Variants in VANGL2 observed in about 807,000 individuals in gnomAD.
VANGL2 encodes the protein VANGL planar cell polarity protein 2, also known as vang-like protein 2.
A neutral mutation model predicts 50.2 loss-of-function variants in VANGL2; 14 were observed. That is an observed-to-expected ratio of 0.28 (90% CI 0.18 to 0.44). VANGL2 has a LOEUF of 0.44. VANGL2 is among the 20% of genes least tolerant of loss of function. The pLI is 1.00. For synonymous variants in VANGL2, 295 were observed against 297.2 expected (o/e 0.99, Z 0.08); for missense variants, 533 against 701.5 (o/e 0.76, Z 2.71).
At chr1:160,416,303 G>T in intron 3 of VANGL2, 121 bp downstream of exon 3, 2 of 1,547,254 alleles carry the variant, frequency 1.3e-6, no homozygotes, top group Non-Finnish European at 1.8e-6. Flanking sequence ...TCAGATCGGG[G>T]AGTGTGTTTT....
rs770854072 is a variant in VANGL2, at chr1:160,415,750, G to A, written c.-88G>A. 14 of 1,480,946 alleles carry A rather than the reference G, an allele frequency of 9.5e-6. No homozygotes were observed. The highest frequency in any genetic ancestry group is 1.3e-5 in the Non-Finnish European group (14 of 1,080,416). The allele number at this position is 1,480,946 out of a possible 1,614,324, so 91.7% of individuals were successfully genotyped here. A position where few individuals can be genotyped will look rare whatever the true frequency, so the allele number is the denominator to read the frequency against. On this transcript the variant is annotated 5_prime_UTR_variant, in exon 2 of 8. Transcript: ENST00000368061. ...TGAAGGTGCCTCTTGGCCTAAAGAA[G>A]CCGGTGCTGAAGGAGGTGGCTGTGG...
At chr1:160,411,941 T>C (rs1464596049) in intron 1 of VANGL2, among the ~76,000 whole-genome samples, 1 of 152,284 alleles carries the variant, frequency 6.6e-6, no homozygotes, top group East Asian at 1.9e-4. Flanking sequence ...ACCACCTCTT[T>C]CCCTAGTCTC....
At chr1:160,414,278 A>G (rs934725694) in intron 1 of VANGL2, among the ~76,000 whole-genome samples, 2 of 152,124 alleles carry the variant, frequency 1.3e-5, no homozygotes, top group Admixed American at 6.5e-5. Flanking sequence ...CTGCAGTGCC[A>G]CCTTCTACCA....
At chr1:160,404,704 T>C (rs900436006) in intron 1 of VANGL2, among the ~76,000 whole-genome samples, 8 of 152,230 alleles carry the variant, frequency 5.3e-5, no homozygotes, top group African/African-American at 1.9e-4. Context: ...ACATAATGTT[T>C]TCCAGGTTAA....
chr1:160,428,187 T>G lies in VANGL2; in HGVS notation c.*2809T>G, dbSNP rs1651538676. The G allele has an allele frequency of 6.5e-6, 1 of 152,708 alleles. No individual in the cohort carries two copies. The highest frequency in any genetic ancestry group is 1.5e-5 in the Non-Finnish European group (1 of 68,088). 9.5% of individuals were successfully genotyped at this position (152,708 alleles called of 1,614,324 possible). On this transcript the variant is annotated 3_prime_UTR_variant, in exon 8 of 8. Coordinates refer to ENST00000368061, the MANE Select transcript of VANGL2 (RefSeq NM_020335.3). ...GATGAGACATCGGACTCTCCGGAAC[T>G]TTCTCATCTGACACGTCTTTTTCCC...
chr1:160,404,811 G>A (rs890109680), intron 1 of VANGL2, among the ~76,000 whole-genome samples: 4 of 152,194 alleles, frequency 2.6e-5, no homozygotes, highest in Non-Finnish European at 5.9e-5. Context: ...GTTAAAGGAT[G>A]AGTTAGGCCA....
In VANGL2 at chr1:160,425,627, A is replaced by C; in HGVS notation, c.*249A>C. 2.0e-6 allele frequency: 1 copy of C among 496,758 alleles called. No individual in the cohort carries two copies. The highest frequency in any genetic ancestry group is 3.6e-6 in the Non-Finnish European group (1 of 279,618). The allele number at this position is 496,758 out of a possible 1,614,324, so 30.8% of individuals were successfully genotyped here. A position where few individuals can be genotyped will look rare whatever the true frequency, so the allele number is the denominator to read the frequency against. On this transcript the variant is annotated 3_prime_UTR_variant, in exon 8 of 8. Transcript: ENST00000368061. ...CCACCTCACCAACAACTTTTGTATT[A>C]CTCTAGGCCCTGCAGGAATCAGTGC...
intron 6 of VANGL2, among the ~76,000 whole-genome samples, chr1:160,421,651 G>T (rs574249127): frequency 1.3e-5 from 2 of 152,290 alleles, no homozygotes; most frequent in African/African-American, 4.8e-5. Context: ...GGCCCTAAAG[G>T]ACAGTCTTCT....
chr1:160,405,317 C>T (rs559680043), intron 1 of VANGL2, among the ~76,000 whole-genome samples: 3 of 152,264 alleles, frequency 2.0e-5, no homozygotes, highest in Non-Finnish European at 2.9e-5. Flanking sequence ...GGCGGCCCTC[C>T]CCTTCTTTAT....
Position 160,426,872 on chromosome 1 carries a change from G to A in VANGL2, c.*1494G>A, listed in dbSNP as rs1185707923. ...GGCCCTTCTTTTCCCTGAAAGACTG[G>A]TTGGTACTTACCTTGCAGAGCACAT... On this transcript the variant is annotated 3_prime_UTR_variant, in exon 8 of 8. Transcript: ENST00000368061. 6.6e-6 allele frequency: 1 copy of A among 152,264 alleles called. No individual in the cohort carries two copies. The highest frequency in any genetic ancestry group is 2.4e-5 in the African/African-American group (1 of 41,440). 9.4% of individuals were successfully genotyped at this position (152,264 alleles called of 1,614,324 possible).
Position 160,420,438 on chromosome 1 carries a change from G to A in VANGL2, c.828G>A (p.Leu276=). The A allele has an allele frequency of 6.2e-7, 1 of 1,613,898 alleles. No homozygotes were observed. The highest frequency in any genetic ancestry group is 8.5e-7 in the Non-Finnish European group (1 of 1,179,978). The change falls in exon 5 of 8, where the codon CTG becomes CTA. Residue 276 remains leucine (L), a synonymous_variant. Coordinates refer to ENST00000368061, the MANE Select transcript of VANGL2 (RefSeq NM_020335.3). The part of the protein sequence containing the change: ...LSIQRVAVWI[L]EKYYHDFPVY... ...TCCAGCGCGTGGCAGTGTGGATCCT[G>A]GAGAAGTATTACCATGACTTCCCTG...
chr1:160,411,842 T>G (rs1330227157), intron 1 of VANGL2, among the ~76,000 whole-genome samples: 1 of 152,048 alleles, frequency 6.6e-6, no homozygotes, highest in Admixed American at 6.6e-5. Flanking sequence ...TCTGGGTGTG[T>G]TTGAAGTGGT....
Position 160,419,090 on chromosome 1 carries a change from A to T in VANGL2, c.281A>T (p.Asp94Val). 3 of 1,614,102 alleles carry T rather than the reference A, an allele frequency of 1.9e-6. No individual in the cohort carries two copies. The highest frequency in any genetic ancestry group is 1.7e-6 in the Non-Finnish European group (2 of 1,179,966). ...GATGACCTCACACGCATCGCCAAGG[A>T]CATGGAGGACAGTGTCCCTCTGGAC... ...SHDDLTRIAKDMEDSVPLDCS... is the reference protein window; with the variant it reads ...SHDDLTRIAKVMEDSVPLDCS... Residue 94 changes from aspartate (D) to valine (V), a missense_variant, in exon 4 of 8, where the codon GAC becomes GTC. Asp to Val is a radical substitution (Grantham distance 152). Coordinates refer to ENST00000368061, the MANE Select transcript of VANGL2 (RefSeq NM_020335.3). The surrounding 1 kb of genome is among the most constrained non-coding windows in gnomAD (Gnocchi z 5.8).
intron 1 of VANGL2, among the ~76,000 whole-genome samples, chr1:160,411,810 A>G (rs1281870990): frequency 6.6e-6 from 1 of 152,048 alleles, no homozygotes; most frequent in African/African-American, 2.4e-5. Context: ...TGTAGGGGAA[A>G]TGAAATGGCA....
rs908156875 is a variant in VANGL2, at chr1:160,426,069, C to T, written c.*691C>T. ...ATGGTCACGTGACCATAGGCAACCA[C>T]GTGGAAACCCTCTGTGACCACTTTT... On this transcript the variant is annotated 3_prime_UTR_variant, in exon 8 of 8. Coordinates refer to ENST00000368061, the MANE Select transcript of VANGL2 (RefSeq NM_020335.3). 5 of 151,790 alleles carry T rather than the reference C, an allele frequency of 3.3e-5. No individual in the cohort carries two copies. The highest frequency in any genetic ancestry group is 5.9e-5 in the Non-Finnish European group (4 of 67,786). 9.4% of individuals were successfully genotyped at this position (151,790 alleles called of 1,614,324 possible).
At chr1:160,408,117 CTT>C (rs1271295012) in intron 1 of VANGL2, among the ~76,000 whole-genome samples, 9 of 149,530 alleles carry the variant, frequency 6.0e-5, no homozygotes, top group Middle Eastern at 3.4e-3. Flanking sequence ...CACGTGTCTG[CTT>C]TTGTGTGCTG....
chr1:160,406,872 G>T (rs1460466147), intron 1 of VANGL2, among the ~76,000 whole-genome samples: 1 of 152,124 alleles, frequency 6.6e-6, no homozygotes, highest in Non-Finnish European at 1.5e-5. Context: ...GGGATTACAG[G>T]CATGCACCAC....
Position 160,416,201 on chromosome 1 carries a change from G to A in VANGL2, c.192+19G>A, listed in dbSNP as rs144558789. 2,007 of 1,614,028 alleles carry A rather than the reference G, an allele frequency of 1.2e-3. 36 individuals are homozygous for A. In the African/African-American group the frequency reaches 0.023, roughly 19 times the overall value. On this transcript the variant is annotated intron_variant, in intron 3 of 7. Transcript: ENST00000368061. The stretch of plus-strand genomic sequence containing the variant: ...TGAGCGGGTGAGCACTGGGGATGCG[G>A]TGGTCCAGACCGGGCATTTTCAGAC...
At chr1:160,420,620 C>T (rs1651235731) in intron 5 of VANGL2, 73 bp downstream of exon 5, 1 of 1,607,916 alleles carries the variant, frequency 6.2e-7, no homozygotes, top group Admixed American at 1.7e-5. Flanking sequence ...CTCTCTTTTA[C>T]CCTTTGTCCC....
Sources: allele counts gnomAD v4.1 joint callset (sites outside exome capture counted in the v4.1 genomes callset), GRCh38; gene constraint gnomAD v4.1.1; non-coding constraint Gnocchi (gnomAD v3.1); transcripts MANE v1.5; gene names NCBI Gene and HGNC (gene_info 2026-07-23, HGNC 2026-07-21).